Variants in HVCN1 observed in about 807,000 individuals in gnomAD.
The protein encoded by HVCN1 is voltage-gated hydrogen channel 1.
HVCN1 carries 14 observed loss-of-function variants against 29.2 expected under a neutral mutation model. The observed-to-expected ratio is 0.48, with a 90% CI of 0.32 to 0.75. The LOEUF (loss-of-function observed/expected upper bound fraction) is 0.75. HVCN1 is among the 30% of genes least tolerant of loss of function. HVCN1 has a pLI of 0.04. For synonymous variants in HVCN1, 131 were observed against 133.2 expected (o/e 0.98, Z 0.11); for missense variants, 263 against 341.8 (o/e 0.77, Z 1.82).
intron 2 of HVCN1, among the ~76,000 whole-genome samples, chr12:110,696,810 T>C (rs919045401): frequency 2.0e-5 from 3 of 152,178 alleles, no homozygotes; most frequent in Admixed American, 1.3e-4. Flanking sequence ...CACATGTTGC[T>C]TATCCTTCCA....
chr12:110,664,912 G>C (rs1435845654), intron 3 of HVCN1, among the ~76,000 whole-genome samples: 1 of 152,124 alleles, frequency 6.6e-6, no homozygotes. Flanking sequence ...CATAGGACTG[G>C]GTTGGGAGAT....
At chr12:110,671,186 G>A (rs909992569) in intron 3 of HVCN1, among the ~76,000 whole-genome samples, 5 of 152,102 alleles carry the variant, frequency 3.3e-5, no homozygotes, top group African/African-American at 1.2e-4. Flanking sequence ...AATTAGCCGG[G>A]CGTGGTGGTG....
intron 2 of HVCN1, among the ~76,000 whole-genome samples, chr12:110,684,634 G>T (rs2069113656): frequency 6.6e-6 from 1 of 152,162 alleles, no homozygotes; most frequent in East Asian, 1.9e-4. Flanking sequence ...CTTCGCAGTG[G>T]TTATCTTTGG....
intron 3 of HVCN1, among the ~76,000 whole-genome samples, chr12:110,662,508 C>T (rs1182888031): frequency 6.6e-6 from 1 of 152,176 alleles, no homozygotes; most frequent in Admixed American, 6.5e-5. Context: ...AGTTTGAGAC[C>T]AGCCTGGCCA....
chr12:110,664,647 G>T (rs1299395643), intron 3 of HVCN1, among the ~76,000 whole-genome samples: 1 of 152,152 alleles, frequency 6.6e-6, no homozygotes, highest in Non-Finnish European at 1.5e-5. Context: ...CTGGCTTTGT[G>T]CCTGGAGGTA....
At chr12:110,671,558 A>G (rs1335678454) in intron 3 of HVCN1, among the ~76,000 whole-genome samples, 1 of 152,114 alleles carries the variant, frequency 6.6e-6, no homozygotes, top group Non-Finnish European at 1.5e-5. Context: ...GAAGCCCCCC[A>G]GTTTGTAGTA....
chr12:110,649,002 A>G lies in HVCN1; in HGVS notation c.*408T>C. 1 of 461,218 alleles carries G rather than the reference A, an allele frequency of 2.2e-6. No homozygotes were observed. Among genetic ancestry groups the G allele is most frequent in the Non-Finnish European group, 4.2e-6 (1 of 235,760 alleles). The allele number at this position is 461,218 out of a possible 1,614,324, so 28.6% of individuals were successfully genotyped here. A position where few individuals can be genotyped will look rare whatever the true frequency, so the allele number is the denominator to read the frequency against. ...CTTGAAAATAAGAGACTTTTCTAGA[A>G]TGGGGTGGCAGCTAAAGTAGCTTCT... On this transcript the variant is annotated 3_prime_UTR_variant, in exon 8 of 8. Coordinates refer to ENST00000242607, the MANE Select transcript of HVCN1 (RefSeq NM_032369.4).
intron 3 of HVCN1, among the ~76,000 whole-genome samples, chr12:110,665,864 T>G (rs60027620): frequency 0.14 from 20,677 of 151,566 alleles, 1,839 homozygotes; most frequent in African/African-American, 0.26. Flanking sequence ...AAATTAACTG[T>G]GCATCGTGGC....
At position 110,650,272 on chromosome 12, in the gene HVCN1, T is replaced by A; in HGVS notation, c.652A>T (p.Ile218Phe). 1 of 1,601,528 alleles carries A rather than the reference T, an allele frequency of 6.2e-7. No homozygotes were observed. The highest frequency in any genetic ancestry group is 1.1e-5 in the South Asian group (1 of 90,840). ...RVARIINGII[I>F]SVKTRSERQL... ...CGTTCTGAACGTGTCTTAACTGAGATGATAATCCCTGAAATAAAATTGGGG... is the reference window on the plus strand; with the variant it reads ...CGTTCTGAACGTGTCTTAACTGAGAAGATAATCCCTGAAATAAAATTGGGG... The change falls in exon 7 of 8, where the codon ATC becomes TTC. Residue 218 changes from isoleucine (I) to phenylalanine (F), a missense_variant. By Grantham distance (21) the Ile-to-Phe change is conservative (BLOSUM62 0). Coordinates refer to ENST00000242607, the MANE Select transcript of HVCN1 (RefSeq NM_032369.4).
In HVCN1 at chr12:110,688,643, T is replaced by A. The variant is rs2069291208; in HGVS notation, c.-38A>T. ...CACAGACCTGGTTGTGAGTTCTGGC[T>A]CTGCCTCCTTTGGCTGTGTGACCCA... On this transcript the variant is annotated 5_prime_UTR_variant, in exon 2 of 8. Coordinates refer to ENST00000242607, the MANE Select transcript of HVCN1 (RefSeq NM_032369.4). The A allele has an allele frequency of 6.6e-6, 1 of 152,468 alleles. No individual in the cohort carries two copies. Among genetic ancestry groups the A allele is most frequent in the Non-Finnish European group, 1.5e-5 (1 of 68,230 alleles). The allele number at this position is 152,468 out of a possible 1,614,324, so 9.4% of individuals were successfully genotyped here. A position where few individuals can be genotyped will look rare whatever the true frequency, so the allele number is the denominator to read the frequency against.
chr12:110,690,391 G>A (rs1053020320), upstream of HVCN1, among the ~76,000 whole-genome samples: 1 of 152,194 alleles, frequency 6.6e-6, no homozygotes, highest in Non-Finnish European at 1.5e-5. Flanking sequence ...ATCTTGGTAG[G>A]GGGGTGCATT....
At chr12:110,681,742 C>A (rs1273404849) in intron 3 of HVCN1, among the ~76,000 whole-genome samples, 2 of 152,154 alleles carry the variant, frequency 1.3e-5, no homozygotes, top group Non-Finnish European at 2.9e-5. Flanking sequence ...CCTGCTGCTG[C>A]CCTGAGCTTC....
chr12:110,663,466 G>A (rs1315366181), intron 3 of HVCN1, among the ~76,000 whole-genome samples: 1 of 151,484 alleles, frequency 6.6e-6, no homozygotes, highest in Admixed American at 6.6e-5. Flanking sequence ...GCCAGGCATG[G>A]TAGCACACCT....
chr12:110,666,053 G>C (rs1179156056), intron 3 of HVCN1, among the ~76,000 whole-genome samples: 2 of 151,526 alleles, frequency 1.3e-5, no homozygotes, highest in Middle Eastern at 3.5e-3. Flanking sequence ...GGATATTTTA[G>C]AACTGAAAAG....
At position 110,649,132 on chromosome 12, in the gene HVCN1, T is replaced by C; in HGVS notation, c.*278A>G. ...TTAAATTTTATATACAACTAGCAAT[T>C]GTCCAGCTTTGTTGCTCATTTTCAA... is the stretch of plus-strand genomic sequence containing the variant. On this transcript the variant is annotated 3_prime_UTR_variant, in exon 8 of 8. Coordinates refer to ENST00000242607, the MANE Select transcript of HVCN1 (RefSeq NM_032369.4). 1.5e-6 allele frequency: 1 copy of C among 667,804 alleles called. No homozygotes were observed. Among genetic ancestry groups the C allele is most frequent in the Non-Finnish European group, 2.7e-6 (1 of 366,908 alleles). The allele number at this position is 667,804 out of a possible 1,614,324, so 41.4% of individuals were successfully genotyped here.
intron 5 of HVCN1, among the ~76,000 whole-genome samples, chr12:110,653,248 C>T (rs963999326): frequency 1.3e-5 from 2 of 151,412 alleles, no homozygotes; most frequent in African/African-American, 2.4e-5. Context: ...TTGTTTGAGC[C>T]TGGGAGTTCA....
chr12:110,702,182 AG>A (rs1218121886), intron 2 of HVCN1: 1 of 152,048 alleles, frequency 6.6e-6, no homozygotes, highest in Non-Finnish European at 1.5e-5. Context: ...ACCAAGACTG[AG>A]GAAGTCTTGG....
At chr12:110,649,675 G>C (rs764594115) in intron 7 of HVCN1, among the ~76,000 whole-genome samples, 200 bp from the exon 8 acceptor site, 1 of 152,158 alleles carries the variant, frequency 6.6e-6, no homozygotes, top group Non-Finnish European at 1.5e-5. Context: ...GAAGACAAAC[G>C]TGGGGGACCT....
At chr12:110,675,962 T>C (rs2068739726) in intron 3 of HVCN1, among the ~76,000 whole-genome samples, 1 of 152,196 alleles carries the variant, frequency 6.6e-6, no homozygotes, top group Non-Finnish European at 1.5e-5. Flanking sequence ...GGTTCTGAGA[T>C]GCAGTCTTAC....
Sources: gnomAD v4.1 joint callset for allele counts (sites outside exome capture counted in the v4.1 genomes callset) on GRCh38, gnomAD v4.1.1 for gene constraint, MANE v1.5 for transcripts, NCBI Gene and HGNC (gene_info 2026-07-23, HGNC 2026-07-21) for gene names.